Variants in ST3GAL3 observed in about 807,000 individuals in gnomAD.
ST3GAL3 encodes CMP-N-acetylneuraminate-beta-1,4-galactoside alpha-2,3-sialyltransferase.
ST3GAL3 carries 21 observed loss-of-function variants against 50.1 expected under a neutral mutation model. The observed-to-expected ratio is 0.42, with a 90% CI of 0.30 to 0.60. The LOEUF (loss-of-function observed/expected upper bound fraction) is 0.60, where lower values mean the gene tolerates loss of function less well. Among genes scored for constraint, ST3GAL3 ranks in the 20% least tolerant of loss-of-function variants. The pLI, the probability that ST3GAL3 is intolerant of heterozygous loss-of-function variation, is 0.19. For missense variants in ST3GAL3, 353 were observed against 489.4 expected, an observed-to-expected ratio of 0.72 and a Z score of 2.63; for synonymous variants, 183 against 190.0, an observed-to-expected ratio of 0.96 and a Z score of 0.30.
chr1:43,826,583 C>T (rs1309511046), intron 4 of ST3GAL3, among the ~76,000 whole-genome samples: 1 of 152,184 alleles, frequency 6.6e-6, no homozygotes, highest in Non-Finnish European at 1.5e-5. Context: ...CTAACTCATT[C>T]TATGCGTCCA....
intron 6 of ST3GAL3, among the ~76,000 whole-genome samples, chr1:43,894,823 C>G (rs2077163788): frequency 6.6e-6 from 1 of 151,972 alleles, no homozygotes; most frequent in South Asian, 2.1e-4. Flanking sequence ...TTAGTAGAGA[C>G]AGGGTTTTAC....
At chr1:43,762,075 G>T (rs977660447) in intron 2 of ST3GAL3, among the ~76,000 whole-genome samples, 6 of 151,430 alleles carry the variant, frequency 4.0e-5, no homozygotes, top group African/African-American at 1.5e-4. Flanking sequence ...AGACCAGACT[G>T]GGGAACATAG....
chr1:43,796,397 A>G (rs779215442), intron 3 of ST3GAL3, among the ~76,000 whole-genome samples: 1 of 152,190 alleles, frequency 6.6e-6, no homozygotes, highest in Admixed American at 6.5e-5. Context: ...TTATTTATGG[A>G]CTTCAGGATA....
intron 5 of ST3GAL3, among the ~76,000 whole-genome samples, chr1:43,877,190 A>G (rs1489475456): frequency 6.6e-6 from 1 of 152,250 alleles, no homozygotes; most frequent in African/African-American, 2.4e-5. Context: ...CCTGGACTGA[A>G]GAAGGCAGCT....
At chr1:43,847,343 A>G (rs1005115930) in intron 5 of ST3GAL3, among the ~76,000 whole-genome samples, 1 of 152,236 alleles carries the variant, frequency 6.6e-6, no homozygotes, top group Admixed American at 6.5e-5. Context: ...GGGTGTTTGT[A>G]GCAGGAATTA....
chr1:43,930,098 A>G (rs775718845), intron 11 of ST3GAL3, 34 bp from the exon 12 acceptor site: 1 of 1,602,612 alleles, frequency 6.2e-7, no homozygotes, highest in Non-Finnish European at 8.5e-7. Flanking sequence ...GGTTTGAGCA[A>G]AGGCCCAACT....
intron 9 of ST3GAL3, among the ~76,000 whole-genome samples, chr1:43,907,853 CTTCTT>C: frequency 6.6e-6 from 1 of 152,314 alleles, no homozygotes; most frequent in Non-Finnish European, 1.5e-5. Context: ...GTTCACCTCT[CTTCTT>C]TTCTCTTTCA....
chr1:43,903,996 AATGTT>A (rs2078724709), intron 9 of ST3GAL3, among the ~76,000 whole-genome samples: 3 of 152,268 alleles, frequency 2.0e-5, no homozygotes, highest in African/African-American at 4.8e-5. Flanking sequence ...AGCAAATAGT[AATGTT>A]ATGTTATTTT....
chr1:43,783,766 C>G (rs1388603873), intron 2 of ST3GAL3, among the ~76,000 whole-genome samples: 1 of 152,116 alleles, frequency 6.6e-6, no homozygotes, highest in Non-Finnish European at 1.5e-5. Flanking sequence ...TAGAGGGCAG[C>G]AGCTGGTAGA....
chr1:43,777,810 G>A (rs1697846784), intron 2 of ST3GAL3, among the ~76,000 whole-genome samples: 1 of 152,126 alleles, frequency 6.6e-6, no homozygotes, highest in South Asian at 2.1e-4. Context: ...TATCATCAGA[G>A]TGAATAGATA....
Position 43,757,392 on chromosome 1 carries a change from C to T in ST3GAL3, c.118+21012C>T, listed in dbSNP as rs923086027. On this transcript the variant is annotated intron_variant, in intron 2 of 11. Transcript: ENST00000347631. ...GAACAAAGTTGGAGGGTTTACATTA[C>T]CTGCTTTCAAAACTTATCATAAAGC... 3.3e-5 allele frequency among the ~76,000 whole-genome samples: 5 copies of T among 152,144 alleles called. No homozygotes were observed. In the East Asian group the frequency reaches 7.7e-4, roughly 23 times the overall value.
intron 1 of ST3GAL3, among the ~76,000 whole-genome samples, chr1:43,735,890 T>C (rs1335839378): frequency 1.3e-5 from 2 of 152,160 alleles, no homozygotes; most frequent in Non-Finnish European, 2.9e-5. Context: ...GGAAACGTGT[T>C]TGTGGGAATG....
intron 5 of ST3GAL3, chr1:43,858,260 C>A: frequency 7.8e-7 from 1 of 1,288,750 alleles, no homozygotes; most frequent in South Asian, 1.2e-5. Flanking sequence ...GAGAGATTGA[C>A]TGGGGAGACG....
chr1:43,712,560 A>T (rs1009322717), intron 1 of ST3GAL3, among the ~76,000 whole-genome samples: 9 of 152,220 alleles, frequency 5.9e-5, no homozygotes, highest in Non-Finnish European at 8.8e-5. Context: ...TAAAGAATAC[A>T]TTATAACCAG....
intron 5 of ST3GAL3, chr1:43,879,647 G>A (rs1558700186): frequency 3.0e-6 from 1 of 336,362 alleles, no homozygotes; most frequent in African/African-American, 2.2e-5. Context: ...AGAGAGATTT[G>A]TTTGTAAAAT....
At chr1:43,882,969 T>TTATG (rs2075390239) in intron 5 of ST3GAL3, among the ~76,000 whole-genome samples, 1 of 45,568 alleles carries the variant, frequency 2.2e-5, no homozygotes, top group Non-Finnish European at 7.4e-5. Context: ...ATTTATTTAT[T>TTATG]TATTTATTTA....
chr1:43,920,765 C>T lies in ST3GAL3; in HGVS notation c.892-17C>T. 6.2e-7 allele frequency: 1 copy of T among 1,614,208 alleles called. No homozygotes were observed. Among genetic ancestry groups the T allele is most frequent in the South Asian group, 1.1e-5 (1 of 91,086 alleles). On this transcript the variant is annotated splice_polypyrimidine_tract_variant and intron_variant, in intron 10 of 11. Transcript: ENST00000347631. ...GAACTCTGCATGCCTTCTCTCACCC[C>T]TGCCCCCGTCTTCTAGAACATCCCT...
intron 4 of ST3GAL3, among the ~76,000 whole-genome samples, chr1:43,823,161 C>G (rs908955367): frequency 2.6e-5 from 4 of 152,140 alleles, no homozygotes; most frequent in South Asian, 2.1e-4. Context: ...GCTTGCTTCT[C>G]TGTGGTCTAT....
chr1:43,866,293 T>G (rs1482398094), intron 5 of ST3GAL3, among the ~76,000 whole-genome samples: 4 of 152,176 alleles, frequency 2.6e-5, no homozygotes, highest in Non-Finnish European at 5.9e-5. Flanking sequence ...GAGGTGATTT[T>G]TTTTTCAAGG....
Sources: gnomAD v4.1 joint callset for allele counts (sites outside exome capture counted in the v4.1 genomes callset) on GRCh38, gnomAD v4.1.1 for gene constraint, MANE v1.5 for transcripts, NCBI Gene and HGNC (gene_info 2026-07-23, HGNC 2026-07-21) for gene names.